The following SRGAP1 variants were observed in gnomAD, a reference collection of about 807,000 sequenced individuals.
The protein encoded by SRGAP1 is SLIT-ROBO Rho GTPase activating protein 1.
SRGAP1 carries 43 observed loss-of-function variants against 121.9 expected under a neutral mutation model. The ratio of observed to expected loss-of-function variants is 0.35; its 90% confidence interval spans 0.28 to 0.46. SRGAP1 has a LOEUF of 0.46. Among genes scored for constraint, SRGAP1 ranks in the 20% least tolerant of loss-of-function variants. The pLI is 1.00. For synonymous variants in SRGAP1, 447 were observed against 485.4 expected (o/e 0.92, Z 1.04); for missense variants, 1,102 against 1,350.9 (o/e 0.82, Z 2.89).
chr12:63,849,119 G>A (rs1898995306), intron 1 of SRGAP1, among the ~76,000 whole-genome samples: 1 of 152,182 alleles, frequency 6.6e-6, no homozygotes, highest in South Asian at 2.1e-4. Context: ...TTAGAATTAA[G>A]AGAAATAAAT....
intron 3 of SRGAP1, among the ~76,000 whole-genome samples, chr12:64,012,551 CTTTTTTTTTT>C (rs386376760): frequency 1.3e-5 from 1 of 77,662 alleles, no homozygotes; most frequent in Non-Finnish European, 2.3e-5. Flanking sequence ...AAGTTATTAT[CTTTTTTTTTT>C]TTTTTTTTTT....
intron 1 of SRGAP1, among the ~76,000 whole-genome samples, chr12:63,906,612 T>C (rs2030225162): frequency 1.3e-5 from 2 of 152,128 alleles, no homozygotes; most frequent in Non-Finnish European, 2.9e-5. Flanking sequence ...CACGCCTGGC[T>C]GATTTTACAT....
At chr12:64,009,649 C>T (rs2034194746) in intron 3 of SRGAP1, among the ~76,000 whole-genome samples, 1 of 152,136 alleles carries the variant, frequency 6.6e-6, no homozygotes, top group Non-Finnish European at 1.5e-5. Context: ...AGATAGTTCC[C>T]TTTATGGTTA....
At chr12:64,020,672 G>T (rs112117215) in intron 4 of SRGAP1, among the ~76,000 whole-genome samples, 2 of 151,644 alleles carry the variant, frequency 1.3e-5, no homozygotes, top group Middle Eastern at 3.2e-3. Context: ...GTGAAACCCC[G>T]TCTTTACTAA....
chr12:63,949,230 A>ATG (rs1213822906), intron 1 of SRGAP1, among the ~76,000 whole-genome samples: 12 of 142,514 alleles, frequency 8.4e-5, no homozygotes, highest in Middle Eastern at 3.9e-3. Flanking sequence ...ATATATATAT[A>ATG]CCAAATAAGA....
intron 1 of SRGAP1, among the ~76,000 whole-genome samples, chr12:63,922,526 G>A (rs1202439729): frequency 1.3e-5 from 2 of 152,208 alleles, no homozygotes; most frequent in Non-Finnish European, 2.9e-5. Flanking sequence ...GACAGACAAA[G>A]TCTTAGTTCT....
In SRGAP1 at chr12:63,961,745, T is replaced by A. The variant is rs564041983; in HGVS notation, c.68-22202T>A. ...CAGAGAATAAAACAATTTCCCTGAT[T>A]CATGGAGCTTACATTCCAGAAGGAG... is the stretch of plus-strand genomic sequence containing the variant. On this transcript the variant is annotated intron_variant, in intron 1 of 21. Transcript: ENST00000355086. 2.0e-5 allele frequency among the ~76,000 whole-genome samples: 3 copies of A among 152,344 alleles called. No homozygotes were observed. The South Asian group carries it at 6.2e-4, about 32-fold the overall frequency.
Position 64,080,381 on chromosome 12 carries a change from C to A in SRGAP1, c.1408+11C>A. ...GGACCCTGGGAGAAGGTGAGTTATC[C>A]AAAATGTATGGGAAGATGACCTGGA... On this transcript the variant is annotated intron_variant, in intron 10 of 21. Transcript: ENST00000355086. 1 of 1,601,558 alleles carries A rather than the reference C, an allele frequency of 6.2e-7. No individual in the cohort carries two copies.
intron 21 of SRGAP1, among the ~76,000 whole-genome samples, chr12:64,132,436 C>T (rs550725679): frequency 5.9e-4 from 90 of 152,284 alleles, no homozygotes; most frequent in Admixed American, 1.4e-3. Flanking sequence ...TTGAGTCACT[C>T]GATAAATGGG....
At chr12:63,986,091 G>A (rs545385620) in intron 2 of SRGAP1, among the ~76,000 whole-genome samples, 2 of 151,674 alleles carry the variant, frequency 1.3e-5, no homozygotes, top group African/African-American at 4.8e-5. Flanking sequence ...TCTCCTCTCT[G>A]TCTCTTCTCT....
rs1343584323 is a variant in SRGAP1 at position 64,043,465 on chromosome 12, G to C, written c.691G>C (p.Glu231Gln). Residue 231 changes from glutamate to glutamine, a missense_variant, in exon 6 of 22, where the codon GAA becomes CAA. By Grantham distance (29) the Glu-to-Gln change is conservative. Coordinates refer to ENST00000355086, the MANE Select transcript of SRGAP1 (RefSeq NM_020762.4). Reference sequence around the variant, plus strand: ...ATTCCAGAGACAAGCAAAATATTCAGAAAATAAGCTAAAATCAATTAAGGC... The same window carrying C: ...ATTCCAGAGACAAGCAAAATATTCACAAAATAAGCTAAAATCAATTAAGGC... ...MKEKRQAKYS[E>Q]NKLKSIKARN... 1 of 1,610,132 alleles carries C rather than the reference G, an allele frequency of 6.2e-7. No individual in the cohort carries two copies.
chr12:63,939,353 AAG>A (rs1207152189), intron 1 of SRGAP1, among the ~76,000 whole-genome samples: 3 of 152,140 alleles, frequency 2.0e-5, no homozygotes, highest in Non-Finnish European at 4.4e-5. Context: ...TATATGAACA[AAG>A]AAAATATTTC....
intron 1 of SRGAP1, among the ~76,000 whole-genome samples, chr12:63,923,180 CT>C (rs2031131284): frequency 6.6e-6 from 1 of 152,184 alleles, no homozygotes; most frequent in African/African-American, 2.4e-5. Flanking sequence ...CCCTACCAGC[CT>C]TTTCTTATGT....
Position 64,153,216 on chromosome 12 carries a change from A to G in SRGAP1, c.*10544A>G, listed in dbSNP as rs1481146384. Reference sequence around the variant, plus strand: ...TGCTCACGTGGTTAAAGAGTCAAACACATTCACTGTGACTGTACCACCATA... The same window carrying G: ...TGCTCACGTGGTTAAAGAGTCAAACGCATTCACTGTGACTGTACCACCATA... On this transcript the variant is annotated 3_prime_UTR_variant, in exon 22 of 22. Transcript: ENST00000355086. 6.6e-6 allele frequency: 1 copy of G among 152,010 alleles called. No individual in the cohort carries two copies. The highest frequency in any genetic ancestry group is 1.5e-5 in the Non-Finnish European group (1 of 68,032). 9.4% of individuals were successfully genotyped at this position (152,010 alleles called of 1,614,324 possible).
intron 1 of SRGAP1, among the ~76,000 whole-genome samples, chr12:63,880,085 C>T (rs1900144441): frequency 6.6e-6 from 1 of 152,138 alleles, no homozygotes; most frequent in South Asian, 2.1e-4. Flanking sequence ...GTGGAAAAGT[C>T]TCATGAGATC....
chr12:64,078,788 T>A, intron 8 of SRGAP1, 131 bp from the exon 9 acceptor site: 1 of 820,590 alleles, frequency 1.2e-6, no homozygotes, highest in Non-Finnish European at 1.9e-6. Flanking sequence ...CCTTTGTTTC[T>A]CTCCTAATAG....
intron 4 of SRGAP1, among the ~76,000 whole-genome samples, chr12:64,040,726 TATAAAA>T (rs1468758373): frequency 6.6e-6 from 1 of 152,214 alleles, no homozygotes; most frequent in African/African-American, 2.4e-5. Context: ...TAGGTACCGT[TATAAAA>T]ATAATGAATA....
At chr12:63,969,637 C>CA (rs1218499207) in intron 1 of SRGAP1, among the ~76,000 whole-genome samples, 5 of 151,680 alleles carry the variant, frequency 3.3e-5, no homozygotes, top group South Asian at 2.1e-4. Context: ...ATTAAAAATA[C>CA]AAAAAAATTA....
chr12:63,970,134 AG>A (rs1386192573), intron 1 of SRGAP1, among the ~76,000 whole-genome samples: 2 of 152,118 alleles, frequency 1.3e-5, no homozygotes, highest in African/African-American at 4.8e-5. Context: ...TCCAAGACAC[AG>A]GGAAATTTAA....
Sources: gnomAD v4.1 joint callset for allele counts (sites outside exome capture counted in the v4.1 genomes callset) on GRCh38, gnomAD v4.1.1 for gene constraint, MANE v1.5 for transcripts, NCBI Gene and HGNC (gene_info 2026-07-23, HGNC 2026-07-21) for gene names.